The following PARD3 variants were observed in gnomAD, a reference collection of about 807,000 sequenced individuals.
PARD3 encodes the protein partitioning defective 3 homolog.
A neutral mutation model predicts 155.4 loss-of-function variants in PARD3; 75 were observed. The observed-to-expected ratio is 0.48, with a 90% CI of 0.40 to 0.58. The LOEUF is 0.58. Ranked by LOEUF, PARD3 falls within the 20% of genes least tolerant of loss-of-function variation. PARD3 has a pLI of 0.00. For missense variants in PARD3, 1,642 were observed against 1,721.7 expected, an observed-to-expected ratio of 0.95 and a Z score of 0.82; for synonymous variants, 576 against 610.5, an observed-to-expected ratio of 0.94 and a Z score of 0.83.
At chr10:34,192,714 C>T (rs1462887711) in intron 22 of PARD3, among the ~76,000 whole-genome samples, 1 of 152,156 alleles carries the variant, frequency 6.6e-6, no homozygotes, top group Non-Finnish European at 1.5e-5. Flanking sequence ...GGCATCCTTC[C>T]TGTCTTGCTC....
At chr10:34,164,603 T>C (rs913310198) in intron 22 of PARD3, among the ~76,000 whole-genome samples, 1 of 152,202 alleles carries the variant, frequency 6.6e-6, no homozygotes, top group African/African-American at 2.4e-5. Context: ...CAGAGACCAG[T>C]CATTTCTTTT....
chr10:34,655,013 C>A (rs963456696), intron 2 of PARD3, among the ~76,000 whole-genome samples: 2 of 151,892 alleles, frequency 1.3e-5, no homozygotes, highest in South Asian at 2.1e-4. Context: ...CTGAGTCCAA[C>A]ATTTCCACCC....
intron 19 of PARD3, among the ~76,000 whole-genome samples, chr10:34,327,177 T>C (rs1046944117): frequency 1.3e-5 from 2 of 152,138 alleles, no homozygotes; most frequent in African/African-American, 2.4e-5. Flanking sequence ...GGCATGTAAT[T>C]TGCATAGAAG....
Position 34,487,078 on chromosome 10 carries a change from T to C in PARD3, c.404-16815A>G, listed in dbSNP as rs1415360798. ...GTCTGCTTGGGGCACAAGACCATTT[T>C]TGTATCCTCTGTGAGCTGAACAATG... On this transcript the variant is annotated intron_variant, in intron 3 of 24. Coordinates refer to ENST00000374788, the MANE Select transcript of PARD3 (RefSeq NM_001184785.2). Among the ~76,000 whole-genome samples, 3 of 152,142 alleles carry C rather than the reference T, an allele frequency of 2.0e-5. No individual in the cohort carries two copies. The East Asian group carries it at 5.8e-4, about 30-fold the overall frequency.
chr10:34,227,646 A>AT (rs1952666961), intron 22 of PARD3, among the ~76,000 whole-genome samples: 2 of 152,008 alleles, frequency 1.3e-5, no homozygotes, highest in Admixed American at 1.3e-4. Context: ...CTCTAAATAA[A>AT]TAAATACATA....
intron 3 of PARD3, among the ~76,000 whole-genome samples, chr10:34,514,563 C>T (rs2081592628): frequency 6.6e-6 from 1 of 152,214 alleles, no homozygotes; most frequent in Non-Finnish European, 1.5e-5. Flanking sequence ...AACCCAATGC[C>T]TGCCAAGATC....
chr10:34,237,773 G>A (rs1327499310), intron 22 of PARD3, among the ~76,000 whole-genome samples: 3 of 152,280 alleles, frequency 2.0e-5, no homozygotes, highest in Non-Finnish European at 4.4e-5. Context: ...CTCCATGTAC[G>A]TAGGATTGGG....
chr10:34,347,080 T>G (rs1349905889), intron 15 of PARD3, among the ~76,000 whole-genome samples: 1 of 152,238 alleles, frequency 6.6e-6, no homozygotes, highest in Non-Finnish European at 1.5e-5. Context: ...AAACTTGAAT[T>G]GTATTAAATC....
intron 1 of PARD3, among the ~76,000 whole-genome samples, chr10:34,750,856 T>C (rs1835943660): frequency 6.6e-6 from 1 of 152,002 alleles, no homozygotes; most frequent in Non-Finnish European, 1.5e-5. Flanking sequence ...ACTCAGCTAG[T>C]TTTTGTATTT....
chr10:34,422,192 C>CA lies in PARD3; in HGVS notation c.715-20276_715-20275insT, dbSNP rs1463753575. ...ATCATGGATTTTAAAGTTAGAAAGG[C>CA]TGAGATTTAAAGCCAAGGTATATTT... is the stretch of plus-strand genomic sequence containing the variant. On this transcript the variant is annotated intron_variant, in intron 5 of 24. Transcript: ENST00000374788. Among the ~76,000 whole-genome samples the CA allele has an allele frequency of 7.8e-3, 1,186 of 152,140 alleles. 14 individuals carry two copies. Among genetic ancestry groups the CA allele is most frequent in the African/African-American group, 0.027 (1,123 of 41,474 alleles).
chr10:34,697,766 AACACTC>A (rs1423166995), intron 1 of PARD3, among the ~76,000 whole-genome samples: 2 of 146,428 alleles, frequency 1.4e-5, no homozygotes, highest in South Asian at 2.1e-4. Flanking sequence ...TTGTAAAACA[AACACTC>A]ACACACACAC....
intron 9 of PARD3, among the ~76,000 whole-genome samples, chr10:34,381,613 A>T (rs1841834322): frequency 6.6e-6 from 1 of 152,146 alleles, no homozygotes; most frequent in Admixed American, 6.5e-5. Context: ...GGCAATCGAC[A>T]TCATGACTTC....
At chr10:34,327,409 C>T (rs1370262977) in intron 19 of PARD3, among the ~76,000 whole-genome samples, 4 of 152,200 alleles carry the variant, frequency 2.6e-5, no homozygotes, top group African/African-American at 9.6e-5. Context: ...ATGGATCCCA[C>T]CCCAGTCTCT....
chr10:34,715,629 C>T (rs570339056), intron 1 of PARD3, among the ~76,000 whole-genome samples: 2 of 152,312 alleles, frequency 1.3e-5, no homozygotes, highest in South Asian at 2.1e-4. Flanking sequence ...CCCAGTCCCC[C>T]CAAAGCACTT....
chr10:34,287,263 A>C (rs113875014), intron 20 of PARD3, among the ~76,000 whole-genome samples: 19 of 152,348 alleles, frequency 1.2e-4, no homozygotes, highest in African/African-American at 3.4e-4. Context: ...CATTTTACTT[A>C]TAATGAGGTA....
chr10:34,796,617 G>A (rs1842275112), intron 1 of PARD3, among the ~76,000 whole-genome samples: 1 of 152,204 alleles, frequency 6.6e-6, no homozygotes, highest in African/African-American at 2.4e-5. Flanking sequence ...CATAGTTGCA[G>A]TAGATTTGAA....
At chr10:34,263,888 A>G (rs1361648691) in intron 22 of PARD3, among the ~76,000 whole-genome samples, 1 of 152,220 alleles carries the variant, frequency 6.6e-6, no homozygotes, top group African/African-American at 2.4e-5. Context: ...GAGCTAATTG[A>G]GCAACACTGG....
chr10:34,531,955 G>A (rs897647679), intron 2 of PARD3, among the ~76,000 whole-genome samples: 2 of 152,136 alleles, frequency 1.3e-5, no homozygotes, highest in Non-Finnish European at 2.9e-5. Context: ...TGCACTTTAA[G>A]CAGACACGCA....
chr10:34,402,583 G>A (rs1844007935), intron 5 of PARD3, among the ~76,000 whole-genome samples: 1 of 152,112 alleles, frequency 6.6e-6, no homozygotes, highest in African/African-American at 2.4e-5. Flanking sequence ...TTACTTCTGT[G>A]CATGAAGGAC....
Sources: gnomAD v4.1 joint callset for allele counts (sites outside exome capture counted in the v4.1 genomes callset) on GRCh38, gnomAD v4.1.1 for gene constraint, MANE v1.5 for transcripts, NCBI Gene and HGNC (gene_info 2026-07-23, HGNC 2026-07-21) for gene names.